The following ST8SIA1 variants were observed in gnomAD, a reference collection of about 807,000 sequenced individuals.
ST8SIA1 encodes the protein alpha-N-acetylneuraminide alpha-2,8-sialyltransferase.
ST8SIA1 carries 16 observed loss-of-function variants against 35.9 expected under a neutral mutation model. The observed-to-expected ratio is 0.45, with a 90% CI of 0.30 to 0.68. The LOEUF is 0.68. ST8SIA1 is among the 30% of genes least tolerant of loss of function. The pLI, the probability that ST8SIA1 is intolerant of heterozygous loss-of-function variation, is 0.09. For missense variants in ST8SIA1, 383 were observed against 453.6 expected, an observed-to-expected ratio of 0.84 and a Z score of 1.41; for synonymous variants, 170 against 169.6, an observed-to-expected ratio of 1.00 and a Z score of -0.02.
chr12:22,332,229 A>G (rs897426613), intron 1 of ST8SIA1, among the ~76,000 whole-genome samples: 1 of 152,224 alleles, frequency 6.6e-6, no homozygotes, highest in African/African-American at 2.4e-5. Context: ...CTCTGCACAT[A>G]GAGACCAGAC....
At chr12:22,316,012 T>C (rs1354663536) in intron 1 of ST8SIA1, among the ~76,000 whole-genome samples, 2 of 151,814 alleles carry the variant, frequency 1.3e-5, no homozygotes, top group Non-Finnish European at 2.9e-5. Context: ...TTAAAAAAGA[T>C]AGAATTCTAA....
intron 4 of ST8SIA1, among the ~76,000 whole-genome samples, chr12:22,239,869 A>G (rs1865520587): frequency 1.3e-5 from 2 of 152,196 alleles, no homozygotes; most frequent in African/African-American, 2.4e-5. Flanking sequence ...GACACCCTCA[A>G]CATGGTGAGT....
chr12:22,226,263 G>A (rs1401790248), intron 4 of ST8SIA1, among the ~76,000 whole-genome samples: 1 of 152,000 alleles, frequency 6.6e-6, no homozygotes, highest in African/African-American at 2.4e-5. Context: ...CATCTGTCCT[G>A]AAATTTAGTG....
intron 1 of ST8SIA1, among the ~76,000 whole-genome samples, chr12:22,314,675 G>A (rs1866495196): frequency 1.3e-5 from 2 of 151,998 alleles, no homozygotes; most frequent in Admixed American, 1.3e-4. Flanking sequence ...TCCTTATTCT[G>A]GAGGATTTTC....
intron 4 of ST8SIA1, among the ~76,000 whole-genome samples, chr12:22,236,666 A>G (rs1049082768): frequency 1.3e-5 from 2 of 152,174 alleles, no homozygotes; most frequent in African/African-American, 4.8e-5. Context: ...ACCCACTCTC[A>G]GTGGGCCTGC....
chr12:22,235,391 TTAGC>T (rs1328883534), intron 4 of ST8SIA1, among the ~76,000 whole-genome samples: 2 of 152,182 alleles, frequency 1.3e-5, no homozygotes, highest in Non-Finnish European at 2.9e-5. Flanking sequence ...AAATATAAAT[TTAGC>T]AATAAAGTCA....
At chr12:22,273,667 T>A (rs1368648514) in intron 2 of ST8SIA1, among the ~76,000 whole-genome samples, 1 of 152,212 alleles carries the variant, frequency 6.6e-6, no homozygotes, top group Non-Finnish European at 1.5e-5. Context: ...CAAGTCTCTT[T>A]ATATTTATAC....
At chr12:22,272,093 C>T (rs1865917375) in intron 2 of ST8SIA1, among the ~76,000 whole-genome samples, 1 of 152,152 alleles carries the variant, frequency 6.6e-6, no homozygotes, top group South Asian at 2.1e-4. Flanking sequence ...TAAATCCTTT[C>T]TTGCCCCTAT....
intron 1 of ST8SIA1, among the ~76,000 whole-genome samples, chr12:22,289,691 C>A (rs1019413318): frequency 2.0e-5 from 3 of 152,186 alleles, no homozygotes; most frequent in Non-Finnish European, 2.9e-5. Context: ...TTATTTCCAA[C>A]AAGACCATGG....
intron 1 of ST8SIA1, among the ~76,000 whole-genome samples, chr12:22,309,601 A>C (rs1197367478): frequency 6.6e-6 from 1 of 152,170 alleles, no homozygotes; most frequent in Non-Finnish European, 1.5e-5. Flanking sequence ...CACTCTGCTC[A>C]GTATAAATTC....
intron 2 of ST8SIA1, among the ~76,000 whole-genome samples, chr12:22,282,705 C>T (rs951783432): frequency 3.3e-5 from 5 of 152,156 alleles, no homozygotes; most frequent in African/African-American, 4.8e-5. Context: ...TTCTGCCCCC[C>T]ATCAGGTTTC....
intron 2 of ST8SIA1, among the ~76,000 whole-genome samples, chr12:22,277,548 G>T (rs1457649337): frequency 2.0e-5 from 3 of 152,028 alleles, no homozygotes; most frequent in East Asian, 3.9e-4. Flanking sequence ...TGTATTTTTA[G>T]TAGAGACAGG....
intron 1 of ST8SIA1, among the ~76,000 whole-genome samples, chr12:22,320,943 AAGAAAGAAAGAAAG>A (rs1291909223): frequency 1.4e-5 from 1 of 73,598 alleles, no homozygotes; most frequent in Non-Finnish European, 2.9e-5. Context: ...GAAAGAAAGA[AAGAAAGAAAGAAAG>A]AGAAAGAAAG....
chr12:22,273,398 C>G (rs1865934425), intron 2 of ST8SIA1, among the ~76,000 whole-genome samples: 2 of 152,264 alleles, frequency 1.3e-5, no homozygotes, highest in South Asian at 4.1e-4. Flanking sequence ...CTATTCTGAG[C>G]CCATAAAAAG....
intron 1 of ST8SIA1, among the ~76,000 whole-genome samples, chr12:22,316,747 A>G (rs555956120): frequency 6.6e-6 from 1 of 152,322 alleles, no homozygotes; most frequent in African/African-American, 2.4e-5. Flanking sequence ...CAAATAAAGA[A>G]CACTTAGTAT....
intron 4 of ST8SIA1, among the ~76,000 whole-genome samples, chr12:22,220,072 A>G (rs1283769983): frequency 1.3e-5 from 2 of 152,206 alleles, no homozygotes; most frequent in African/African-American, 4.8e-5. Context: ...AAAGGTTTGC[A>G]TGGGAATTAA....
At chr12:22,247,820 CTT>C in intron 4 of ST8SIA1, among the ~76,000 whole-genome samples, 1 of 151,920 alleles carries the variant, frequency 6.6e-6, no homozygotes. Flanking sequence ...GATACAAAGA[CTT>C]AATATCCATA....
chr12:22,222,858 C>A (rs1865315339), intron 4 of ST8SIA1, among the ~76,000 whole-genome samples: 1 of 151,934 alleles, frequency 6.6e-6, no homozygotes, highest in Non-Finnish European at 1.5e-5. Flanking sequence ...TACACAAATA[C>A]CCCTAAATTC....
intron 3 of ST8SIA1, 51 bp from the exon 4 acceptor site, chr12:22,249,149 A>G: frequency 1.8e-6 from 2 of 1,138,518 alleles, no homozygotes; most frequent in Non-Finnish European, 2.6e-6. Flanking sequence ...GTTTTAAATC[A>G]TCAGTTAGAA....
Sources: allele counts gnomAD v4.1 joint callset (sites outside exome capture counted in the v4.1 genomes callset), GRCh38; gene constraint gnomAD v4.1.1; transcripts MANE v1.5; gene names NCBI Gene and HGNC (gene_info 2026-07-23, HGNC 2026-07-21).